ADGRB3: variants seen among roughly 807,000 people sequenced by gnomAD.
The protein encoded by ADGRB3 is adhesion G protein-coupled receptor B3.
A neutral mutation model predicts 193.4 loss-of-function variants in ADGRB3; 37 were observed. That is an observed-to-expected ratio of 0.19 (90% CI 0.15 to 0.25). The LOEUF is 0.25. Among genes scored for constraint, ADGRB3 ranks in the 10% least tolerant of loss-of-function variants. The pLI, the probability that ADGRB3 is intolerant of heterozygous loss-of-function variation, is 1.00. For synonymous variants in ADGRB3, 690 were observed against 644.2 expected (o/e 1.07, Z -1.08); for missense variants, 1,637 against 1,852.9 (o/e 0.88, Z 2.14).
At chr6:69,099,267 C>A (rs537927992) in intron 17 of ADGRB3, among the ~76,000 whole-genome samples, 1 of 152,190 alleles carries the variant, frequency 6.6e-6, no homozygotes, top group East Asian at 1.9e-4. Flanking sequence ...CTCTTTTAAA[C>A]CCTTTTTAAA....
chr6:68,823,798 T>C (rs1036521060), intron 3 of ADGRB3, among the ~76,000 whole-genome samples: 1 of 152,148 alleles, frequency 6.6e-6, no homozygotes, highest in Admixed American at 6.5e-5. Context: ...GCTTCTTGCA[T>C]AAAAATTCTT....
intron 3 of ADGRB3, among the ~76,000 whole-genome samples, chr6:68,659,329 T>TA (rs143311303): frequency 0.064 from 9,329 of 145,070 alleles, 914 homozygotes; most frequent in African/African-American, 0.22. Context: ...TCATTTTTTC[T>TA]AAAAAAAAAA....
chr6:69,219,473 A>G (rs1395536219), intron 17 of ADGRB3, among the ~76,000 whole-genome samples: 3 of 77,406 alleles, frequency 3.9e-5, no homozygotes, highest in Non-Finnish European at 7.3e-5. Context: ...ATATATATAT[A>G]TATATATATA....
At position 69,113,550 on chromosome 6, in the gene ADGRB3, G is replaced by A. The variant is rs528484855; in HGVS notation, c.2480+37512G>A. 3.1e-4 allele frequency among the ~76,000 whole-genome samples: 47 copies of A among 151,906 alleles called. No individual in the cohort carries two copies. The South Asian group carries it at 9.4e-3, about 30-fold the overall frequency. On this transcript the variant is annotated intron_variant, in intron 17 of 31. Transcript: ENST00000370598. ...TCTTTATATTCTCAGTAAATTAAGT[G>A]GGAAAAAGAAAATTTCATTTCAATT...
rs1485820662 is a variant in ADGRB3 at position 69,306,253 on chromosome 6, A to G, written c.2815-18619A>G. ...AATAACGCATCACCATCATAAAATTATCAACATAAGCCCAATGTTGTCACG... is the reference window on the plus strand; with the variant it reads ...AATAACGCATCACCATCATAAAATTGTCAACATAAGCCCAATGTTGTCACG... On this transcript the variant is annotated intron_variant, in intron 20 of 31. Coordinates refer to ENST00000370598, the MANE Select transcript of ADGRB3 (RefSeq NM_001704.3). 4.6e-5 allele frequency among the ~76,000 whole-genome samples: 7 copies of G among 151,482 alleles called. 2 individuals carry two copies. The highest frequency in any genetic ancestry group is 1.2e-4 in the African/African-American group (5 of 41,062).
Position 68,639,396 on chromosome 6 carries a change from A to C in ADGRB3, c.721A>C (p.Asn241His). The C allele has an allele frequency of 6.2e-7, 1 of 1,613,006 alleles. No homozygotes were observed. The highest frequency in any genetic ancestry group is 8.5e-7 in the Non-Finnish European group (1 of 1,179,538). Residue 241 changes from asparagine to histidine, a missense_variant, in exon 3 of 32, where the codon AAT becomes CAT. By Grantham distance (68) the Asn-to-His change is moderately conservative. Around this residue, in one of 7 missense-constraint regions of ADGRB3, gnomAD observed 365 missense variants for 409.8 expected, o/e 0.89. Coordinates refer to ENST00000370598, the MANE Select transcript of ADGRB3 (RefSeq NM_001704.3). ...GGAGCTGCAAACCACCCAAGTCTGC[A>C]ATCTTACCAGGGAGGCCAAGCGACC... ...TQELQTTQVCNLTREAKRPPK... is the reference protein window; with the variant it reads ...TQELQTTQVCHLTREAKRPPK...
intron 30 of ADGRB3, among the ~76,000 whole-genome samples, chr6:69,375,509 C>T (rs781083345): frequency 1.2e-4 from 19 of 152,138 alleles, no homozygotes; most frequent in South Asian, 6.2e-4. Context: ...TGAGTTTTTG[C>T]TAGTACCAGT....
rs1371859166 is a variant in ADGRB3 at position 69,151,234 on chromosome 6, TAG to T, written c.2480+75199_2480+75200del. Among the ~76,000 whole-genome samples the T allele has an allele frequency of 2.6e-5, 4 of 152,306 alleles. No homozygotes were observed. In the South Asian group the frequency reaches 6.2e-4, roughly 24 times the overall value. On this transcript the variant is annotated intron_variant, in intron 17 of 31. Coordinates refer to ENST00000370598, the MANE Select transcript of ADGRB3 (RefSeq NM_001704.3). Reference sequence around the variant, plus strand: ...TGCCTTTCAAGTTTATTTAGAACTCTAGAGCCCTTTATCCCAGAGTGTCGAGA... The same window carrying T: ...TGCCTTTCAAGTTTATTTAGAACTCTAGCCCTTTATCCCAGAGTGTCGAGA...
chr6:68,825,971 G>C (rs997810064), intron 3 of ADGRB3, among the ~76,000 whole-genome samples: 4 of 150,894 alleles, frequency 2.7e-5, no homozygotes, highest in African/African-American at 9.8e-5. Context: ...TATCCACTCT[G>C]GTGTTCAGTT....
Position 69,359,446 on chromosome 6 carries a change from TA to T in ADGRB3, c.3596-1415del, listed in dbSNP as rs577475907. ...AAAGGCACAGCAAAATTGTTAATCT[TA>T]AAAAAAAGATGTAAATTTAACATGA... On this transcript the variant is annotated intron_variant, in intron 28 of 31. Coordinates refer to ENST00000370598, the MANE Select transcript of ADGRB3 (RefSeq NM_001704.3). Among the ~76,000 whole-genome samples the T allele has an allele frequency of 3.5e-3, 531 of 151,268 alleles. 1 individual carries two copies. Among genetic ancestry groups the T allele is most frequent in the African/African-American group, 0.012 (509 of 41,294 alleles).
chr6:69,336,803 G>A (rs1768860130), intron 24 of ADGRB3, among the ~76,000 whole-genome samples: 1 of 151,960 alleles, frequency 6.6e-6, no homozygotes, highest in Non-Finnish European at 1.5e-5. Flanking sequence ...ACTCAATTTA[G>A]CATCTAGACT....
chr6:69,092,695 CA>C (rs78744048), intron 17 of ADGRB3, among the ~76,000 whole-genome samples: 1 of 151,898 alleles, frequency 6.6e-6, no homozygotes, highest in Admixed American at 6.6e-5. Context: ...AGTTAATAAG[CA>C]AAAAAGTACA....
intron 29 of ADGRB3, among the ~76,000 whole-genome samples, chr6:69,370,037 A>G (rs1769673288): frequency 6.6e-6 from 1 of 152,090 alleles, no homozygotes; most frequent in Non-Finnish European, 1.5e-5. Context: ...TCACTCCTGT[A>G]TTACTGAGAA....
In ADGRB3 at chr6:69,048,273, A is replaced by C; in HGVS notation, c.2196A>C (p.Ala732=). The change falls in exon 14 of 32, where the codon GCA becomes GCC. Residue 732 remains alanine, a synonymous_variant. Transcript: ENST00000370598. ...MKGRKGMVDW[A]RNSEDRVVIP... ...GACGGAAGGGAATGGTTGACTGGGCAAGAAACTCAGAAGATAGGGTAGTAA... is the reference window on the plus strand; with the variant it reads ...GACGGAAGGGAATGGTTGACTGGGCCAGAAACTCAGAAGATAGGGTAGTAA... The C allele has an allele frequency of 1.2e-6, 2 of 1,613,790 alleles. No homozygotes were observed. The highest frequency in any genetic ancestry group is 1.7e-6 in the Non-Finnish European group (2 of 1,179,772).
At chr6:68,684,225 C>A (rs1160959388) in intron 3 of ADGRB3, among the ~76,000 whole-genome samples, 2 of 152,088 alleles carry the variant, frequency 1.3e-5, no homozygotes, top group Non-Finnish European at 2.9e-5. Flanking sequence ...CTGGTTGTCC[C>A]TGTCACTCTG....
At chr6:69,020,476 AT>A (rs1770231290) in intron 13 of ADGRB3, among the ~76,000 whole-genome samples, 3 of 151,852 alleles carry the variant, frequency 2.0e-5, no homozygotes, top group African/African-American at 7.2e-5. Context: ...AATATTGTGT[AT>A]TTTTTTGCAA....
intron 11 of ADGRB3, among the ~76,000 whole-genome samples, chr6:69,000,139 A>G (rs979499189): frequency 5.3e-5 from 8 of 152,196 alleles, no homozygotes; most frequent in African/African-American, 1.9e-4. Context: ...CTATCTTAGT[A>G]TCTTCAGGCA....
At chr6:69,219,497 G>T (rs1258601402) in intron 17 of ADGRB3, among the ~76,000 whole-genome samples, 1 of 102,014 alleles carries the variant, frequency 9.8e-6, no homozygotes, top group Admixed American at 9.6e-5. Context: ...ATATATACGT[G>T]TGTGTGTATA....
chr6:69,310,232 TATG>T (rs1362194173), intron 20 of ADGRB3, among the ~76,000 whole-genome samples: 1 of 151,700 alleles, frequency 6.6e-6, no homozygotes, highest in African/African-American at 2.4e-5. Flanking sequence ...AAAATTTAAA[TATG>T]ATAAGACGAA....
Sources: gnomAD v4.1 joint callset for allele counts (sites outside exome capture counted in the v4.1 genomes callset) on GRCh38, gnomAD v4.1.1 for gene constraint, gnomAD v4.1.1 regional missense constraint, MANE v1.5 for transcripts, NCBI Gene and HGNC (gene_info 2026-07-23, HGNC 2026-07-21) for gene names.